CACNA1C: variants seen among roughly 807,000 people sequenced by gnomAD.
CACNA1C encodes the protein voltage-dependent L-type calcium channel subunit alpha-1C.
CACNA1C carries 30 observed loss-of-function variants against 229.0 expected under a neutral mutation model. That is an observed-to-expected ratio of 0.13 (90% CI 0.10 to 0.18). CACNA1C has a LOEUF of 0.18. CACNA1C is among the 10% of genes least tolerant of loss of function. The pLI, the probability that CACNA1C is intolerant of heterozygous loss-of-function variation, is 1.00. For synonymous variants in CACNA1C, 1,114 were observed against 1,132.5 expected, an observed-to-expected ratio of 0.98 and a Z score of 0.33; for missense variants, 1,658 against 2,845.0, an observed-to-expected ratio of 0.58 and a Z score of 9.49.
chr12:2,098,192 A>G (rs894527008), intron 1 of CACNA1C, among the ~76,000 whole-genome samples: 1 of 152,204 alleles, frequency 6.6e-6, no homozygotes, highest in Non-Finnish European at 1.5e-5. Flanking sequence ...TTTACCAAGG[A>G]ATGACAGCCT....
chr12:2,097,711 G>A (rs1339661921), intron 1 of CACNA1C, among the ~76,000 whole-genome samples: 1 of 152,202 alleles, frequency 6.6e-6, no homozygotes, highest in Admixed American at 6.5e-5. Flanking sequence ...AGCTTGCCCT[G>A]TAAGCACAGG....
At chr12:2,207,352 C>T (rs1403209088) in intron 3 of CACNA1C, among the ~76,000 whole-genome samples, 2 of 152,156 alleles carry the variant, frequency 1.3e-5, no homozygotes, top group Non-Finnish European at 2.9e-5. Flanking sequence ...AGGTCAGGAG[C>T]ACGTTATATT....
At chr12:2,520,046 C>A (rs555771872) in intron 9 of CACNA1C, among the ~76,000 whole-genome samples, 1 of 152,384 alleles carries the variant, frequency 6.6e-6, no homozygotes, top group East Asian at 1.9e-4. Flanking sequence ...CAGCTCTGGG[C>A]AAGGCTTGCT....
intron 3 of CACNA1C, among the ~76,000 whole-genome samples, chr12:2,123,375 C>CAAAAAAA (rs397761587): frequency 2.7e-5 from 2 of 72,974 alleles, no homozygotes; most frequent in Non-Finnish European, 2.5e-5. Flanking sequence ...GACTCCATCT[C>CAAAAAAA]AAAAAAAAAA....
chr12:1,993,122 TA>T, intron 1 of CACNA1C: 1 of 1,112,536 alleles, frequency 9.0e-7, no homozygotes, highest in Non-Finnish European at 1.4e-6. Context: ...ATGCATTTCC[TA>T]AACATTAACA....
At chr12:2,112,592 T>C (rs2082189977) in intron 1 of CACNA1C, among the ~76,000 whole-genome samples, 1 of 151,588 alleles carries the variant, frequency 6.6e-6, no homozygotes, top group African/African-American at 2.4e-5. Context: ...CCTTGAGGAG[T>C]GGAGGCGGGG....
chr12:2,454,506 C>G (rs895542536), intron 4 of CACNA1C, among the ~76,000 whole-genome samples: 3 of 152,202 alleles, frequency 2.0e-5, no homozygotes, highest in African/African-American at 7.2e-5. Context: ...TGTGCCACTG[C>G]TGCCCTCACT....
At chr12:2,673,310 T>C (rs1208777803) in intron 38 of CACNA1C, among the ~76,000 whole-genome samples, 1 of 151,752 alleles carries the variant, frequency 6.6e-6, no homozygotes, top group African/African-American at 2.4e-5. Flanking sequence ...CTACTAAAAA[T>C]ATAAAATTAG....
At chr12:2,127,543 A>C (rs1272627892) in intron 3 of CACNA1C, among the ~76,000 whole-genome samples, 2 of 152,244 alleles carry the variant, frequency 1.3e-5, no homozygotes, top group Non-Finnish European at 2.9e-5. Flanking sequence ...ACAAGCAACA[A>C]ACCACATAGC....
At chr12:2,217,771 G>A (rs1599478205) in intron 3 of CACNA1C, 1 of 152,168 alleles carries the variant, frequency 6.6e-6, no homozygotes, top group East Asian at 1.9e-4. Flanking sequence ...ACACTACTGG[G>A]TTCAAATTTG....
Position 2,677,661 on chromosome 12 carries a change from C to T in CACNA1C, c.4957-72C>T, listed in dbSNP as rs111770231. The T allele has an allele frequency of 2.0e-5, 31 of 1,542,276 alleles. No homozygotes were observed. The highest frequency in any genetic ancestry group is 4.4e-4 in the Middle Eastern group (2 of 4,546). On this transcript the variant is annotated intron_variant, in intron 40 of 46. Transcript: ENST00000399655. The surrounding 1 kb of genome is among the most constrained non-coding windows in gnomAD (Gnocchi z 7.4). ...GGCCCTGGAGGGACAGGTCTTGGCC[C>T]GAGGCTGTGGCTGGCTGGGGAGCTT...
chr12:2,322,240 G>A (rs1053317893), intron 3 of CACNA1C, among the ~76,000 whole-genome samples: 1 of 152,156 alleles, frequency 6.6e-6, no homozygotes, highest in African/African-American at 2.4e-5. Context: ...AAGGTGAATC[G>A]GGCTGAATCA....
chr12:2,079,209 A>G (rs2064479835), intron 1 of CACNA1C, among the ~76,000 whole-genome samples: 2 of 152,140 alleles, frequency 1.3e-5, no homozygotes, highest in African/African-American at 2.4e-5. Flanking sequence ...CAGCACACCA[A>G]CATGGCACAT....
intron 13 of CACNA1C, among the ~76,000 whole-genome samples, chr12:2,580,638 G>A (rs993358663): frequency 1.3e-5 from 2 of 152,184 alleles, no homozygotes; most frequent in Non-Finnish European, 2.9e-5. Context: ...TCATTAGTAG[G>A]TTCCCCCTCC....
In CACNA1C at chr12:2,666,599, C is replaced by A. The variant is rs1188585080; in HGVS notation, c.4527-87C>A. On this transcript the variant is annotated intron_variant, in intron 36 of 46. Transcript: ENST00000399655. This position sits in a 1 kb window ranked among gnomAD's most constrained non-coding sequence, Gnocchi z 5.3. ...GTGCAGTGTTGCCCATATGAGTGGG[C>A]CCTACCCCTCAGGCGCATGCGTCCT... 2.6e-6 allele frequency: 2 copies of A among 761,974 alleles called. No individual in the cohort carries two copies. The highest frequency in any genetic ancestry group is 4.5e-6 in the Non-Finnish European group (2 of 442,644). 47.2% of individuals were successfully genotyped at this position (761,974 alleles called of 1,614,324 possible).
intron 3 of CACNA1C, among the ~76,000 whole-genome samples, chr12:2,302,645 C>T (rs143000134): frequency 2.7e-4 from 41 of 152,212 alleles, no homozygotes; most frequent in Middle Eastern, 3.4e-3. Flanking sequence ...TACCTTTGCT[C>T]CTGTATGTGC....
At chr12:2,462,248 C>T (rs536763611) in intron 5 of CACNA1C, among the ~76,000 whole-genome samples, 11 of 148,854 alleles carry the variant, frequency 7.4e-5, no homozygotes, top group Non-Finnish European at 1.4e-4. Flanking sequence ...GCCCCCACCT[C>T]GGCTCAGCTC....
rs573532570 is a variant in CACNA1C, at chr12:2,237,746, A to G, written c.477+117316A>G. 2.0e-5 allele frequency among the ~76,000 whole-genome samples: 3 copies of G among 152,326 alleles called. No individual in the cohort carries two copies. The East Asian group carries it at 5.8e-4, about 29-fold the overall frequency. ...TTTAATCTCACTAGCCTTGTTCTTC[A>G]TTTTTATATCCAAGCTTCAAAAAAC... On this transcript the variant is annotated intron_variant, in intron 3 of 46. Coordinates refer to ENST00000399655, the MANE Select transcript of CACNA1C (RefSeq NM_000719.7).
At chr12:2,549,422 G>A (rs141254334) in intron 9 of CACNA1C, among the ~76,000 whole-genome samples, 81 of 152,300 alleles carry the variant, frequency 5.3e-4, no homozygotes, top group African/African-American at 1.8e-3. Flanking sequence ...ACCAACTGCC[G>A]GAAAGGGAAG....
Sources: allele counts gnomAD v4.1 joint callset (sites outside exome capture counted in the v4.1 genomes callset), GRCh38; gene constraint gnomAD v4.1.1; non-coding constraint Gnocchi (gnomAD v3.1); transcripts MANE v1.5; gene names NCBI Gene and HGNC (gene_info 2026-07-23, HGNC 2026-07-21).